The following TIMMDC1 variants were observed in gnomAD, a reference collection of about 807,000 sequenced individuals.
TIMMDC1 encodes translocase of inner mitochondrial membrane domain containing 1, also known as complex I assembly factor TIMMDC1, mitochondrial.
TIMMDC1 carries 25 observed loss-of-function variants against 32.6 expected under a neutral mutation model. That is an observed-to-expected ratio of 0.77 (90% CI 0.56 to 1.07). The LOEUF is 1.07. TIMMDC1 is among the 50% of genes least tolerant of loss of function. The pLI is 0.00. For synonymous variants in TIMMDC1, 130 were observed against 127.6 expected (o/e 1.02, Z -0.13); for missense variants, 329 against 349.2 (o/e 0.94, Z 0.46).
intron 3 of TIMMDC1, 144 bp downstream of exon 3, chr3:119,503,764 T>C (rs2081897147): frequency 2.4e-6 from 2 of 820,054 alleles, no homozygotes; most frequent in Non-Finnish European, 3.8e-6. Flanking sequence ...AGAACTTTTC[T>C]CTGTGTAAAA....
intron 4 of TIMMDC1, among the ~76,000 whole-genome samples, chr3:119,508,734 C>G (rs1343274735): frequency 6.6e-6 from 1 of 152,228 alleles, no homozygotes; most frequent in Non-Finnish European, 1.5e-5. Context: ...TGCTTGGGAT[C>G]TTGCCTTGCT....
Position 119,522,804 on chromosome 3 carries a change from T to TTGTGTGTGTG in TIMMDC1, c.708-779_708-770dup, listed in dbSNP as rs71156752. 6.5e-3 allele frequency among the ~76,000 whole-genome samples: 966 copies of TTGTGTGTGTG among 148,744 alleles called. 2 individuals carry two copies. The highest frequency in any genetic ancestry group is 0.018 in the Middle Eastern group (5 of 280). On this transcript the variant is annotated intron_variant, in intron 6 of 6. Coordinates refer to ENST00000494664, the MANE Select transcript of TIMMDC1 (RefSeq NM_016589.4). ...GTATAGCATATACACGTATGGGTGT[T>TTGTGTGTGTG]TGTGTGTGTGTGTGTGTGTGTGTGT...
chr3:119,513,811 T>G lies in TIMMDC1; in HGVS notation c.596+92T>G, dbSNP rs1577100300. On this transcript the variant is annotated intron_variant, in intron 5 of 6. Transcript: ENST00000494664. ...TCTCATTTATTTTCAAAGAACAAAT[T>G]TAATCCTTAGAATCTATAAAAGATC... 1.1e-5 allele frequency: 9 copies of G among 809,948 alleles called. No homozygotes were observed. In the East Asian group the frequency reaches 2.3e-4, roughly 21 times the overall value. 50.2% of individuals were successfully genotyped at this position (809,948 alleles called of 1,614,324 possible).
intron 5 of TIMMDC1, among the ~76,000 whole-genome samples, chr3:119,513,921 T>C (rs1401694277): frequency 1.3e-5 from 2 of 152,230 alleles, no homozygotes; most frequent in African/African-American, 4.8e-5. Flanking sequence ...TTATTTATAG[T>C]TTCTTTTACT....
chr3:119,504,470 C>T (rs536877638), intron 4 of TIMMDC1, among the ~76,000 whole-genome samples: 3 of 152,150 alleles, frequency 2.0e-5, no homozygotes, highest in South Asian at 2.1e-4. Context: ...AGGATAATAA[C>T]GTGGTGAGTG....
At chr3:119,503,715 C>T (rs2081896460) in intron 3 of TIMMDC1, 95 bp downstream of exon 3, 4 of 984,048 alleles carry the variant, frequency 4.1e-6, no homozygotes, top group Middle Eastern at 2.9e-4. Flanking sequence ...ACTGAATACC[C>T]ACATGAAAGT....
chr3:119,522,360 T>C (rs2082032619), intron 6 of TIMMDC1, among the ~76,000 whole-genome samples: 1 of 152,000 alleles, frequency 6.6e-6, no homozygotes, highest in African/African-American at 2.4e-5. Flanking sequence ...AATGGGCTCA[T>C]AGAAGTAAAG....
In TIMMDC1 at chr3:119,503,716, A is replaced by G. The variant is rs547785999; in HGVS notation, c.449+96A>G. The G allele has an allele frequency of 8.9e-5, 88 of 990,320 alleles. No individual in the cohort carries two copies. In the African/African-American group the frequency reaches 1.4e-3, roughly 16 times the overall value. 61.3% of individuals were successfully genotyped at this position (990,320 alleles called of 1,614,324 possible). A position where few individuals can be genotyped will look rare whatever the true frequency, so the allele number is the denominator to read the frequency against. ...GTGGGGTTATGAAAACTGAATACCC[A>G]CATGAAAGTGATTAATAATGCCTTT... is the stretch of plus-strand genomic sequence containing the variant. On this transcript the variant is annotated intron_variant, in intron 3 of 6. Coordinates refer to ENST00000494664, the MANE Select transcript of TIMMDC1 (RefSeq NM_016589.4).
At chr3:119,504,060 T>C (rs978894108) in intron 4 of TIMMDC1, 39 bp downstream of exon 4, 2 of 1,493,622 alleles carry the variant, frequency 1.3e-6, no homozygotes, top group African/African-American at 1.4e-5. Flanking sequence ...TCTTCTCAAA[T>C]ACAGTTTAGA....
At chr3:119,506,587 G>A (rs1016221834) in intron 4 of TIMMDC1, among the ~76,000 whole-genome samples, 1 of 148,736 alleles carries the variant, frequency 6.7e-6, no homozygotes, top group African/African-American at 2.5e-5. Flanking sequence ...TCCACTTCTT[G>A]TCCTATTAAT....
At chr3:119,520,696 A>G (rs1419836632) in intron 6 of TIMMDC1, among the ~76,000 whole-genome samples, 1 of 152,208 alleles carries the variant, frequency 6.6e-6, no homozygotes, top group Non-Finnish European at 1.5e-5. Flanking sequence ...CTGTTCCGAA[A>G]TATTGAAGAT....
At chr3:119,509,044 A>G (rs1439523721) in intron 4 of TIMMDC1, among the ~76,000 whole-genome samples, 1 of 152,110 alleles carries the variant, frequency 6.6e-6, no homozygotes, top group Non-Finnish European at 1.5e-5. Context: ...CGCCTCCACT[A>G]AAAATACGAA....
At chr3:119,510,611 A>G (rs1324829202) in intron 4 of TIMMDC1, among the ~76,000 whole-genome samples, 2 of 152,248 alleles carry the variant, frequency 1.3e-5, no homozygotes, top group African/African-American at 4.8e-5. Context: ...TTGCAAGGTC[A>G]GGAACAAAAC....
In TIMMDC1 at chr3:119,524,341, A is replaced by G. The variant is rs185399972; in HGVS notation, c.*585A>G. ...TGTTTCTTCCCTTAGTATTGCTGAC[A>G]AAGTATCTGCTGTAGAATACAGGAA... On this transcript the variant is annotated 3_prime_UTR_variant, in exon 7 of 7. Coordinates refer to ENST00000494664, the MANE Select transcript of TIMMDC1 (RefSeq NM_016589.4). The G allele has an allele frequency of 2.6e-5, 4 of 152,412 alleles. No homozygotes were observed. In the East Asian group the frequency reaches 7.7e-4, roughly 29 times the overall value. The allele number at this position is 152,412 out of a possible 1,614,324, so 9.4% of individuals were successfully genotyped here.
intron 6 of TIMMDC1, among the ~76,000 whole-genome samples, chr3:119,517,784 A>T (rs2081995964): frequency 6.6e-6 from 1 of 152,106 alleles, no homozygotes; most frequent in South Asian, 2.1e-4. Context: ...CCTGGCCAAC[A>T]TGGCAAAACC....
intron 1 of TIMMDC1, 43 bp from the exon 2 acceptor site, chr3:119,500,652 C>T (rs1287960193): frequency 1.9e-6 from 3 of 1,576,910 alleles, no homozygotes; most frequent in African/African-American, 2.7e-5. Context: ...AGAGCAATGT[C>T]CATAAACTAA....
chr3:119,499,064 G>T (rs2107725053), intron 1 of TIMMDC1, 137 bp downstream of exon 1: 16 of 616,076 alleles, frequency 2.6e-5, no homozygotes, highest in East Asian at 6.1e-5. Flanking sequence ...TCTGATATTT[G>T]TAACCCAAGC....
chr3:119,522,824 G>T (rs1324032320), intron 6 of TIMMDC1, among the ~76,000 whole-genome samples: 21 of 151,882 alleles, frequency 1.4e-4, no homozygotes, highest in Admixed American at 1.4e-3. Context: ...GTGTGTGTGT[G>T]TGTGTGTGTG....
chr3:119,505,334 A>G (rs2081911022), intron 4 of TIMMDC1, among the ~76,000 whole-genome samples: 1 of 152,136 alleles, frequency 6.6e-6, no homozygotes, highest in African/African-American at 2.4e-5. Context: ...TTTATGTACA[A>G]CACACATATG....
Sources: allele counts gnomAD v4.1 joint callset (sites outside exome capture counted in the v4.1 genomes callset), GRCh38; gene constraint gnomAD v4.1.1; transcripts MANE v1.5; gene names NCBI Gene and HGNC (gene_info 2026-07-23, HGNC 2026-07-21).